The following PPP2R2B variants were observed in gnomAD, a reference collection of about 807,000 sequenced individuals.
The protein encoded by PPP2R2B is protein phosphatase 2 regulatory subunit Bbeta.
A neutral mutation model predicts 46.0 loss-of-function variants in PPP2R2B; 5 were observed. That is an observed-to-expected ratio of 0.11 (90% confidence interval 0.06 to 0.23). The LOEUF (loss-of-function observed/expected upper bound fraction) is 0.23, where lower values mean the gene tolerates loss of function less well. PPP2R2B is among the 10% of genes least tolerant of loss of function. The pLI, the probability that PPP2R2B is intolerant of heterozygous loss-of-function variation, is 1.00. For missense variants in PPP2R2B, 367 were observed against 575.0 expected (o/e 0.64, Z 3.70); for synonymous variants, 215 against 206.7 (o/e 1.04, Z -0.34).
At chr5:146,976,731 A>G (rs1408718300) in intron 1 of PPP2R2B, among the ~76,000 whole-genome samples, 1 of 152,066 alleles carries the variant, frequency 6.6e-6, no homozygotes, top group African/African-American at 2.4e-5. Flanking sequence ...AATGTAGGCT[A>G]ATTTTATATT....
chr5:146,884,395 A>G (rs527452485), intron 1 of PPP2R2B, among the ~76,000 whole-genome samples: 75 of 152,274 alleles, frequency 4.9e-4, no homozygotes, highest in African/African-American at 1.8e-3. Flanking sequence ...TGAAATTGCC[A>G]TGGTAGACTT....
intron 1 of PPP2R2B, among the ~76,000 whole-genome samples, chr5:147,024,990 G>A (rs1191402287): frequency 2.6e-5 from 4 of 151,764 alleles, no homozygotes; most frequent in African/African-American, 7.3e-5. Flanking sequence ...ATGGAACCAC[G>A]AATAGGCCCT....
chr5:146,936,864 GTTTTTTTT>G (rs200960195), intron 1 of PPP2R2B, among the ~76,000 whole-genome samples: 2 of 137,204 alleles, frequency 1.5e-5, no homozygotes, highest in Admixed American at 7.3e-5. Context: ...GTGAGCCAGG[GTTTTTTTT>G]TTTTTTTTTC....
chr5:147,054,518 A>C (rs909948975), intron 1 of PPP2R2B: 4 of 428,180 alleles, frequency 9.3e-6, no homozygotes, highest in Non-Finnish European at 1.9e-5. Flanking sequence ...AATGTCTATG[A>C]AAAATACCAC....
At chr5:146,947,277 CTTCATTA>C (rs1764513266) in intron 1 of PPP2R2B, among the ~76,000 whole-genome samples, 1 of 152,154 alleles carries the variant, frequency 6.6e-6, no homozygotes, top group Non-Finnish European at 1.5e-5. Flanking sequence ...GGGTCTATCT[CTTCATTA>C]TTCTACCTGC....
At chr5:146,764,800 CGAGAGAGAGAGA>C (rs67810307) in intron 2 of PPP2R2B, among the ~76,000 whole-genome samples, 29 of 149,468 alleles carry the variant, frequency 1.9e-4, no homozygotes, top group African/African-American at 2.0e-4. Context: ...ATCTCTATCC[CGAGAGAGAGAGA>C]GAGAGAGAGA....
chr5:146,773,270 T>C (rs1754983669), intron 2 of PPP2R2B, among the ~76,000 whole-genome samples: 1 of 152,228 alleles, frequency 6.6e-6, no homozygotes, highest in Non-Finnish European at 1.5e-5. Context: ...CCGTTTGCAT[T>C]CCAGGAATTC....
At chr5:147,048,805 A>C (rs1292577176) in intron 1 of PPP2R2B, among the ~76,000 whole-genome samples, 1 of 152,204 alleles carries the variant, frequency 6.6e-6, no homozygotes, top group African/African-American at 2.4e-5. Context: ...TAATATAAAC[A>C]TTCACTCATA....
At chr5:146,948,886 T>A (rs1690249769) in intron 1 of PPP2R2B, among the ~76,000 whole-genome samples, 2 of 151,988 alleles carry the variant, frequency 1.3e-5, no homozygotes, top group Admixed American at 1.3e-4. Flanking sequence ...GGGCATAGAG[T>A]AATGTTTCCT....
chr5:146,840,736 AAGTAT>A (rs1200803969), intron 2 of PPP2R2B, among the ~76,000 whole-genome samples: 2 of 152,230 alleles, frequency 1.3e-5, no homozygotes, highest in African/African-American at 2.4e-5. Flanking sequence ...ACCAGCCAGC[AAGTAT>A]AGTATATGTA....
At chr5:146,908,420 T>C (rs1028212551) in intron 1 of PPP2R2B, among the ~76,000 whole-genome samples, 3 of 152,202 alleles carry the variant, frequency 2.0e-5, no homozygotes, top group Non-Finnish European at 4.4e-5. Context: ...AAATTAAATT[T>C]TTTTTTCTTT....
chr5:146,983,922 A>C (rs1753304998), intron 1 of PPP2R2B, among the ~76,000 whole-genome samples: 1 of 151,920 alleles, frequency 6.6e-6, no homozygotes, highest in African/African-American at 2.4e-5. Context: ...AAAATGTCTT[A>C]ATTTTCCCTT....
intron 1 of PPP2R2B, among the ~76,000 whole-genome samples, chr5:147,035,543 G>A (rs1042020345): frequency 6.6e-6 from 1 of 152,158 alleles, no homozygotes; most frequent in Non-Finnish European, 1.5e-5. Context: ...AAGGCTTTGG[G>A]TTCAGGAAAA....
chr5:147,032,268 C>T lies in PPP2R2B; in HGVS notation c.79+23397G>A, dbSNP rs538429438. Among the ~76,000 whole-genome samples, 185 of 152,166 alleles carry T rather than the reference C, an allele frequency of 1.2e-3. 3 individuals carry two copies. The highest frequency in any genetic ancestry group is 4.4e-3 in the African/African-American group (182 of 41,516). ...AATAGACAATTCTCAAAAGAAGATA[C>T]ACAAATGGCCAACAAATATATGAAA... On this transcript the variant is annotated intron_variant, in intron 1 of 8. Coordinates refer to the PPP2R2B transcript ENST00000336640.
At position 146,582,272 on chromosome 5, in the gene PPP2R2B, A is replaced by G. The variant is rs778911268; in HGVS notation, c.*7675T>C. On this transcript the variant is annotated 3_prime_UTR_variant, in exon 10 of 10. Coordinates refer to ENST00000394411, the MANE Select transcript of PPP2R2B (RefSeq NM_181675.4). ...TCTTGTCACTTCCCTTTGCCTTGTT[A>G]TGGGGAATATTTAGTGCTGCAGCCT... The G allele has an allele frequency of 6.6e-6, 1 of 152,092 alleles. No homozygotes were observed. Among genetic ancestry groups the G allele is most frequent in the Non-Finnish European group, 1.5e-5 (1 of 68,044 alleles). 9.4% of individuals were successfully genotyped at this position (152,092 alleles called of 1,614,324 possible). A position where few individuals can be genotyped will look rare whatever the true frequency, so the allele number is the denominator to read the frequency against.
intron 2 of PPP2R2B, among the ~76,000 whole-genome samples, chr5:147,079,274 T>A (rs1388511834): frequency 2.0e-5 from 3 of 150,872 alleles, no homozygotes; most frequent in Non-Finnish European, 1.5e-5. Flanking sequence ...TGCTCTCCCA[T>A]GTTTATTGCA....
chr5:146,940,542 A>G (rs893832505), intron 1 of PPP2R2B, among the ~76,000 whole-genome samples: 15 of 151,822 alleles, frequency 9.9e-5, no homozygotes, highest in Admixed American at 3.3e-4. Context: ...CTACTGCCCA[A>G]GGAGAACATA....
chr5:146,973,551 A>G (rs1752760226), intron 1 of PPP2R2B, among the ~76,000 whole-genome samples: 1 of 152,178 alleles, frequency 6.6e-6, no homozygotes, highest in African/African-American at 2.4e-5. Flanking sequence ...ATTACTTTAA[A>G]TCTACAGTTA....
At chr5:146,969,903 C>T (rs1352971490) in intron 1 of PPP2R2B, among the ~76,000 whole-genome samples, 1 of 152,166 alleles carries the variant, frequency 6.6e-6, no homozygotes, top group African/African-American at 2.4e-5. Context: ...GTGGAGATAT[C>T]CACGAAGCAG....
Sources: allele counts gnomAD v4.1 joint callset (sites outside exome capture counted in the v4.1 genomes callset), GRCh38; gene constraint gnomAD v4.1.1; transcripts MANE v1.5; gene names NCBI Gene and HGNC (gene_info 2026-07-23, HGNC 2026-07-21).